The following ASCC1 variants were observed in gnomAD, a reference collection of about 807,000 sequenced individuals.
ASCC1 encodes ASC-1 complex subunit P50.
Under a neutral mutation model 46.6 loss-of-function variants are expected in ASCC1, and 35 were observed. The observed-to-expected ratio is 0.75, with a 90% CI of 0.57 to 0.99. ASCC1 has a LOEUF of 0.99. Ranked by LOEUF, ASCC1 falls within the 50% of genes least tolerant of loss-of-function variation. ASCC1 has a pLI of 0.00. For synonymous variants in ASCC1, 143 were observed against 146.6 expected (o/e 0.98, Z 0.18); for missense variants, 376 against 428.7 (o/e 0.88, Z 1.09).
chr10:72,107,734 T>A (rs1361012035), intron 9 of ASCC1, among the ~76,000 whole-genome samples: 4 of 152,228 alleles, frequency 2.6e-5, no homozygotes, highest in Admixed American at 6.5e-5. Context: ...TTTTAATGCT[T>A]TCCTATTGTG....
intron 5 of ASCC1, among the ~76,000 whole-genome samples, chr10:72,169,532 T>A (rs1564688003): frequency 6.6e-6 from 1 of 152,082 alleles, no homozygotes; most frequent in Admixed American, 6.6e-5. Flanking sequence ...TATATATGCT[T>A]ATTTTTACAA....
chr10:72,174,503 T>C (rs111710817), intron 5 of ASCC1, among the ~76,000 whole-genome samples: 3,993 of 152,102 alleles, frequency 0.026, 82 homozygotes, highest in Admixed American at 0.037. Flanking sequence ...TGTCAGCAAG[T>C]AGAAGGGAGG....
chr10:72,169,617 A>G (rs75512055), intron 5 of ASCC1, among the ~76,000 whole-genome samples: 5,731 of 152,330 alleles, frequency 0.038, 159 homozygotes, highest in Non-Finnish European at 0.06. Context: ...AAGGGGCAGA[A>G]AGAATACAAG....
rs116088884 is a variant in ASCC1, at chr10:72,125,410, T to C, written c.957+2672A>G. ...CCTATCTTGTTAGTGAAATTGATTT[T>C]TTTTCTTTCTAAGCATAATAATTTC... is the stretch of plus-strand genomic sequence containing the variant. On this transcript the variant is annotated intron_variant, in intron 9 of 9. Transcript: ENST00000672957. Among the ~76,000 whole-genome samples, 935 of 152,340 alleles carry C rather than the reference T, an allele frequency of 6.1e-3. 7 individuals carry two copies. Among genetic ancestry groups the C allele is most frequent in the African/African-American group, 0.021 (891 of 41,582 alleles).
intron 5 of ASCC1, among the ~76,000 whole-genome samples, chr10:72,173,520 C>A (rs1851490988): frequency 1.3e-5 from 2 of 152,146 alleles, no homozygotes; most frequent in Admixed American, 1.3e-4. Flanking sequence ...AATTATGAGT[C>A]ATAAGGGTTC....
Position 72,146,179 on chromosome 10 carries a change from G to T in ASCC1, c.746+6690C>A, listed in dbSNP as rs367578547. Among the ~76,000 whole-genome samples the T allele has an allele frequency of 2.3e-4, 35 of 152,286 alleles. No individual in the cohort carries two copies. The East Asian group carries it at 3.3e-3, about 14-fold the overall frequency. On this transcript the variant is annotated intron_variant, in intron 7 of 9. Coordinates refer to ENST00000672957, the MANE Select transcript of ASCC1 (RefSeq NM_001198800.3). ...TGTCCTGCCCTTCCCGACAGCCCTG[G>T]CATCTCAATCACAGCCTCACCCTAG... is the stretch of plus-strand genomic sequence containing the variant.
intron 9 of ASCC1, among the ~76,000 whole-genome samples, chr10:72,105,179 C>A (rs1842206495): frequency 6.6e-6 from 1 of 152,182 alleles, no homozygotes; most frequent in Non-Finnish European, 1.5e-5. Flanking sequence ...GGCCCTTTGC[C>A]CTCAGTGGCA....
At chr10:72,182,918 C>T (rs895465287) in intron 5 of ASCC1, among the ~76,000 whole-genome samples, 1 of 151,218 alleles carries the variant, frequency 6.6e-6, no homozygotes, top group African/African-American at 2.4e-5. Flanking sequence ...AGTATCAGAT[C>T]ATATGCCATT....
At chr10:72,194,370 A>G (rs558616769) in intron 5 of ASCC1, among the ~76,000 whole-genome samples, 1 of 150,204 alleles carries the variant, frequency 6.7e-6, no homozygotes. Context: ...AAAAAAAAAA[A>G]CCAAAAACCT....
chr10:72,162,225 C>T (rs1849778322), intron 5 of ASCC1, among the ~76,000 whole-genome samples: 2 of 152,108 alleles, frequency 1.3e-5, no homozygotes, highest in African/African-American at 4.8e-5. Flanking sequence ...GGCTGGAGGG[C>T]AATGGCGTGA....
chr10:72,120,610 T>C (rs1181062533), intron 9 of ASCC1, among the ~76,000 whole-genome samples: 1 of 148,408 alleles, frequency 6.7e-6, no homozygotes, highest in Admixed American at 6.7e-5. Context: ...AAAAAAAAAT[T>C]GTACCTAGGC....
intron 7 of ASCC1, among the ~76,000 whole-genome samples, chr10:72,146,119 T>C (rs1847596698): frequency 6.6e-6 from 1 of 152,222 alleles, no homozygotes; most frequent in Admixed American, 6.5e-5. Context: ...CCATGAAGCC[T>C]TCCTTTAGGA....
chr10:72,166,881 A>G (rs1407294081), intron 5 of ASCC1, among the ~76,000 whole-genome samples: 1 of 152,234 alleles, frequency 6.6e-6, no homozygotes, highest in Non-Finnish European at 1.5e-5. Context: ...CAAAACCAAA[A>G]TGAGATATCA....
intron 7 of ASCC1, among the ~76,000 whole-genome samples, chr10:72,140,160 AT>A (rs1439178725): frequency 6.6e-6 from 1 of 152,248 alleles, no homozygotes; most frequent in Non-Finnish European, 1.5e-5. Context: ...CAAATAACAC[AT>A]AACTCCCTGC....
intron 5 of ASCC1, among the ~76,000 whole-genome samples, chr10:72,181,365 G>A (rs907024952): frequency 1.3e-5 from 2 of 152,148 alleles, no homozygotes; most frequent in Non-Finnish European, 2.9e-5. Flanking sequence ...GACTTACTGA[G>A]CTTGGACTAA....
chr10:72,179,473 T>TC (rs1852286720), intron 5 of ASCC1, among the ~76,000 whole-genome samples: 1 of 152,224 alleles, frequency 6.6e-6, no homozygotes, highest in African/African-American at 2.4e-5. Context: ...GATATTTTTT[T>TC]CCCATTCAAA....
intron 3 of ASCC1, among the ~76,000 whole-genome samples, chr10:72,210,306 C>T (rs1446879977): frequency 6.6e-6 from 1 of 152,016 alleles, no homozygotes; most frequent in Non-Finnish European, 1.5e-5. Flanking sequence ...ATTACAGATG[C>T]CTGCCACCAC....
rs768398422 is a variant in ASCC1, at chr10:72,133,191, T to G, written c.747-10A>C. On this transcript the variant is annotated splice_polypyrimidine_tract_variant and intron_variant, in intron 7 of 9. Coordinates refer to ENST00000672957, the MANE Select transcript of ASCC1 (RefSeq NM_001198800.3). ...AACTAATTCTTGTAGCCTGGAGAAA[T>G]TGGAGAAAAGTAATGCAGAAATCTT... is the stretch of plus-strand genomic sequence containing the variant. 9.3e-6 allele frequency: 15 copies of G among 1,613,874 alleles called. No individual in the cohort carries two copies. The highest frequency in any genetic ancestry group is 1.7e-5 in the Admixed American group (1 of 60,008).
intron 5 of ASCC1, among the ~76,000 whole-genome samples, chr10:72,185,734 T>C (rs1220382605): frequency 6.6e-6 from 1 of 152,196 alleles, no homozygotes; most frequent in Admixed American, 6.5e-5. Context: ...TTGTTTGTGA[T>C]GGTTGTTACA....
Sources: gnomAD v4.1 joint callset for allele counts (sites outside exome capture counted in the v4.1 genomes callset) on GRCh38, gnomAD v4.1.1 for gene constraint, MANE v1.5 for transcripts, NCBI Gene and HGNC (gene_info 2026-07-23, HGNC 2026-07-21) for gene names.